The following CNTNAP2 variants were observed in gnomAD, a reference collection of about 807,000 sequenced individuals.
The protein encoded by CNTNAP2 is contactin associated protein 2, also known as contactin-associated protein-like 2.
In CNTNAP2, 98 loss-of-function variants were observed where a neutral mutation model predicts 155.2. The observed-to-expected ratio is 0.63, with a 90% confidence interval of 0.54 to 0.75. CNTNAP2 has a LOEUF of 0.75. CNTNAP2 is among the 30% of genes least tolerant of loss of function. The probability of loss-of-function intolerance (pLI) is 0.00; values close to 1 mark genes in which losing one functional copy is unlikely to be tolerated. For missense variants in CNTNAP2, 1,727 were observed against 1,688.1 expected (o/e 1.02, Z -0.40); for synonymous variants, 651 against 631.2 (o/e 1.03, Z -0.47).
chr7:148,094,708 A>G (rs1168898159), intron 15 of CNTNAP2, among the ~76,000 whole-genome samples: 1 of 152,198 alleles, frequency 6.6e-6, no homozygotes, highest in Non-Finnish European at 1.5e-5. Flanking sequence ...GGACGGTGAT[A>G]TTACTAAGAT....
chr7:146,157,802 CT>C (rs1163645739), intron 1 of CNTNAP2, among the ~76,000 whole-genome samples: 1 of 152,230 alleles, frequency 6.6e-6, no homozygotes, highest in Non-Finnish European at 1.5e-5. Flanking sequence ...GACTCCACTT[CT>C]GGGGGCAGGG....
At chr7:147,353,431 A>G (rs142156818) in intron 9 of CNTNAP2, among the ~76,000 whole-genome samples, 6,364 of 152,122 alleles carry the variant, frequency 0.042, 144 homozygotes, top group Non-Finnish European at 0.061. Context: ...TTTGCTGAGA[A>G]TGATGGTTTC....
intron 2 of CNTNAP2, among the ~76,000 whole-genome samples, chr7:146,827,831 GCT>G (rs1397655904): frequency 1.3e-5 from 2 of 151,780 alleles, no homozygotes; most frequent in Non-Finnish European, 2.9e-5. Context: ...ACAACATGAA[GCT>G]CCTCAGTCTT....
intron 1 of CNTNAP2, among the ~76,000 whole-genome samples, chr7:146,151,646 ATATATATATATATATAT>A (rs1562968889): frequency 0.043 from 3,015 of 70,278 alleles, 272 homozygotes; most frequent in African/African-American, 0.1. Flanking sequence ...ATATATATAT[ATATATATATATATATAT>A]ATATATATAT....
intron 1 of CNTNAP2, among the ~76,000 whole-genome samples, chr7:146,264,013 T>C (rs557720507): frequency 6.6e-6 from 1 of 152,324 alleles, no homozygotes; most frequent in African/African-American, 2.4e-5. Flanking sequence ...TTTAGGACAG[T>C]AGGACCTCCC....
chr7:147,880,078 G>A (rs181645843), intron 13 of CNTNAP2, among the ~76,000 whole-genome samples: 182 of 152,284 alleles, frequency 1.2e-3, no homozygotes, highest in African/African-American at 4.0e-3. Flanking sequence ...CAGCGTTAGC[G>A]CTCACTCTGG....
chr7:148,138,315 A>C (rs1186399996), intron 16 of CNTNAP2, among the ~76,000 whole-genome samples: 1 of 152,202 alleles, frequency 6.6e-6, no homozygotes, highest in Non-Finnish European at 1.5e-5. Context: ...TGTAAGCTTC[A>C]GCTTGGTCTG....
At position 146,817,096 on chromosome 7, in the gene CNTNAP2, CCA is replaced by C. The variant is rs773590843; in HGVS notation, c.209-22614_209-22613del. 2.6e-4 allele frequency among the ~76,000 whole-genome samples: 40 copies of C among 152,134 alleles called. No homozygotes were observed. The East Asian group carries it at 7.6e-3, about 29-fold the overall frequency. ...CAGGATAACACAGTGTCTCTGATCC[CCA>C]GATAGTATAGAATAGAAAGGAAAAC... On this transcript the variant is annotated intron_variant, in intron 2 of 23. Transcript: ENST00000361727.
chr7:147,068,969 C>G (rs550740641), intron 4 of CNTNAP2, among the ~76,000 whole-genome samples: 1 of 152,318 alleles, frequency 6.6e-6, no homozygotes, highest in South Asian at 2.1e-4. Context: ...CTGGCGTCTT[C>G]TGGTGAGACC....
chr7:146,634,698 C>T (rs1426555421), intron 1 of CNTNAP2, among the ~76,000 whole-genome samples: 1 of 152,118 alleles, frequency 6.6e-6, no homozygotes, highest in African/African-American at 2.4e-5. Flanking sequence ...CTTCCTTTTC[C>T]AATTTGCAAG....
chr7:146,280,449 A>G (rs538913699), intron 1 of CNTNAP2, among the ~76,000 whole-genome samples: 1 of 152,070 alleles, frequency 6.6e-6, no homozygotes, highest in East Asian at 1.9e-4. Flanking sequence ...TTCTTCTGTC[A>G]TCAATACTTG....
intron 15 of CNTNAP2, among the ~76,000 whole-genome samples, chr7:148,087,207 G>C (rs940625975): frequency 6.6e-6 from 1 of 152,042 alleles, no homozygotes; most frequent in African/African-American, 2.4e-5. Flanking sequence ...CAGTTATTAT[G>C]TGGGGCCCCA....
chr7:147,149,577 T>C (rs142591193), intron 8 of CNTNAP2, among the ~76,000 whole-genome samples: 1 of 152,330 alleles, frequency 6.6e-6, no homozygotes, highest in East Asian at 1.9e-4. Context: ...CACTGGAGGA[T>C]TTCTTTTAAG....
At chr7:148,295,145 A>G (rs1368776093) in intron 21 of CNTNAP2, among the ~76,000 whole-genome samples, 1 of 152,208 alleles carries the variant, frequency 6.6e-6, no homozygotes, top group African/African-American at 2.4e-5. Flanking sequence ...ATATGTATGT[A>G]TGTGTATACA....
chr7:147,143,288 C>CG (rs953199412), intron 8 of CNTNAP2, among the ~76,000 whole-genome samples: 1 of 152,190 alleles, frequency 6.6e-6, no homozygotes, highest in African/African-American at 2.4e-5. Context: ...ATTCAACAAT[C>CG]TTTCATGAAC....
Position 146,463,031 on chromosome 7 carries a change from C to T in CNTNAP2, c.98-311240C>T, listed in dbSNP as rs1268823179. Among the ~76,000 whole-genome samples, 6 of 151,856 alleles carry T rather than the reference C, an allele frequency of 4.0e-5. No individual in the cohort carries two copies. In the South Asian group the frequency reaches 6.2e-4, roughly 16 times the overall value. On this transcript the variant is annotated intron_variant, in intron 1 of 23. Transcript: ENST00000361727. ...GGTGAGGTAGGCCTACACTCCAGTT[C>T]GTCATGGGAGCAAGGGAAGGGCAGA... is the stretch of plus-strand genomic sequence containing the variant.
intron 2 of CNTNAP2, among the ~76,000 whole-genome samples, chr7:146,784,078 A>G (rs1802534062): frequency 6.6e-6 from 1 of 152,238 alleles, no homozygotes; most frequent in Admixed American, 6.5e-5. Context: ...TAACAGAATG[A>G]ACTAGACTTA....
intron 1 of CNTNAP2, among the ~76,000 whole-genome samples, chr7:146,661,408 C>T (rs1458145658): frequency 6.6e-6 from 1 of 151,822 alleles, no homozygotes; most frequent in Non-Finnish European, 1.5e-5. Flanking sequence ...CCCAAAAGGA[C>T]CCCCATGCTC....
Position 148,329,400 on chromosome 7 carries a change from C to T in CNTNAP2, c.3476-54249C>T, listed in dbSNP as rs556537506. ...TGTTTGTTCATTCCTCTGACAGTCACGGACAGCCCCCTGTGGACAAGGCAT... is the reference window on the plus strand; with the variant it reads ...TGTTTGTTCATTCCTCTGACAGTCATGGACAGCCCCCTGTGGACAAGGCAT... On this transcript the variant is annotated intron_variant, in intron 21 of 23. Transcript: ENST00000361727. Among the ~76,000 whole-genome samples, 4 of 152,250 alleles carry T rather than the reference C, an allele frequency of 2.6e-5. No homozygotes were observed. The East Asian group carries it at 5.8e-4, about 22-fold the overall frequency.
Sources: gnomAD v4.1 joint callset for allele counts (sites outside exome capture counted in the v4.1 genomes callset) on GRCh38, gnomAD v4.1.1 for gene constraint, MANE v1.5 for transcripts, NCBI Gene and HGNC (gene_info 2026-07-23, HGNC 2026-07-21) for gene names.